Variants in GPR174 observed in about 807,000 individuals in gnomAD.
The protein encoded by GPR174 is probable G protein-coupled receptor 174.
Under a neutral mutation model 16.5 loss-of-function variants are expected in GPR174, and 8 were observed. The observed-to-expected ratio is 0.48, with a 90% CI of 0.28 to 0.87. The LOEUF (loss-of-function observed/expected upper bound fraction) is 0.87, where lower values mean the gene tolerates loss of function less well. Among genes scored for constraint, GPR174 ranks in the 40% least tolerant of loss-of-function variants. GPR174 has a pLI of 0.09. For synonymous variants in GPR174, 111 were observed against 94.8 expected (o/e 1.17, Z -0.99); for missense variants, 214 against 247.5 (o/e 0.86, Z 0.91).
intron 2 of GPR174, among the ~76,000 whole-genome samples, chrX:79,165,227 C>T (rs1007719691): frequency 7.9e-5 from 8 of 101,706 alleles, no homozygotes; most frequent in African/African-American, 2.9e-4. Context: ...AGATTTTGGA[C>T]AATGTATTGT....
At position 79,144,935 on chromosome X, in the gene GPR174, C is replaced by T. The variant is rs1429192202; in HGVS notation, c.-936C>T. 3 of 103,248 alleles carry T rather than the reference C, an allele frequency of 2.9e-5. No individual in the cohort carries two copies. The highest frequency in any genetic ancestry group is 5.9e-5 in the Non-Finnish European group (3 of 50,789). 8.5% of individuals were successfully genotyped at this position (103,248 alleles called of 1,213,427 possible). The stretch of plus-strand genomic sequence containing the variant: ...TTCCTTCCCTCCTTCCTCTCCTTTC[C>T]TTTTCTTTCTTTCTTTTTCTTTCTT... On this transcript the variant is annotated 5_prime_UTR_variant, in exon 1 of 3. Coordinates refer to ENST00000645147, the MANE Select transcript of GPR174 (RefSeq NM_032553.3).
intron 2 of GPR174, among the ~76,000 whole-genome samples, chrX:79,161,160 C>T (rs1056352433): frequency 2.7e-5 from 3 of 111,868 alleles, no homozygotes; most frequent in African/African-American, 9.7e-5. Context: ...AATTGGCTTT[C>T]CAAACTGTCA....
chrX:79,171,818 C>A lies in GPR174; in HGVS notation c.811C>A (p.Leu271Ile), dbSNP rs1159182480. ...AAGCTGCCTAGCCAGAAGGGTGATT[C>A]TAATATTTCATTCTGTGGCATTGTG... Reference protein sequence around the residue: ...IKSCLARRVILIFHSVALCLA... With the variant: ...IKSCLARRVIIIFHSVALCLA... The change falls in exon 3 of 3, where the codon CTA (leucine) becomes ATA (isoleucine). Residue 271 changes from leucine (L) to isoleucine (I), a missense_variant. Leu to Ile is a conservative substitution (Grantham distance 5). Transcript: ENST00000645147. 8.3e-7 allele frequency: 1 copy of A among 1,208,315 alleles called. No homozygotes were observed. Among genetic ancestry groups the A allele is most frequent in the Non-Finnish European group, 1.1e-6 (1 of 894,447 alleles).
intron 2 of GPR174, among the ~76,000 whole-genome samples, chrX:79,159,845 T>C (rs1262307033): frequency 8.9e-6 from 1 of 111,923 alleles, no homozygotes; most frequent in Admixed American, 9.5e-5. Context: ...CCTCTAAAAG[T>C]TATCTGGTTT....
chrX:79,165,447 G>A (rs908036084), intron 2 of GPR174, among the ~76,000 whole-genome samples: 3 of 111,260 alleles, frequency 2.7e-5, no homozygotes, highest in Non-Finnish European at 5.7e-5. Context: ...GGGAAAGCTT[G>A]CCAAGTTTAA....
At chrX:79,152,148 C>A (rs1002560489) in intron 1 of GPR174, among the ~76,000 whole-genome samples, 1 of 111,499 alleles carries the variant, frequency 9.0e-6, no homozygotes, top group Non-Finnish European at 1.9e-5. Flanking sequence ...CACAGAGGCT[C>A]TCCTAAACAG....
intron 2 of GPR174, among the ~76,000 whole-genome samples, chrX:79,163,406 G>A (rs1921281521): frequency 9.0e-6 from 1 of 111,693 alleles, no homozygotes; most frequent in Non-Finnish European, 1.9e-5. Flanking sequence ...ATTAATTTTA[G>A]GTAGGAGACA....
At chrX:79,169,276 A>G (rs1921452521) in intron 2 of GPR174, among the ~76,000 whole-genome samples, 1 of 111,880 alleles carries the variant, frequency 8.9e-6, no homozygotes, top group African/African-American at 3.3e-5. Flanking sequence ...AGTCTGTTTC[A>G]GTCCCAGTTA....
chrX:79,170,225 G>A lies in GPR174; in HGVS notation c.-556-227G>A, dbSNP rs1236330438. ...TTGAATTTGTAACAAGCTCCCAAGCGTCATTCGTTCATGAATTTTGAGTAA... is the reference window on the plus strand; with the variant it reads ...TTGAATTTGTAACAAGCTCCCAAGCATCATTCGTTCATGAATTTTGAGTAA... On this transcript the variant is annotated intron_variant, in intron 2 of 2. Transcript: ENST00000645147. Among the ~76,000 whole-genome samples, 9 of 111,450 alleles carry A rather than the reference G, an allele frequency of 8.1e-5. 1 individual carries two copies. The highest frequency in any genetic ancestry group is 1.5e-4 in the Non-Finnish European group (8 of 53,040).
chrX:79,170,933 T>A lies in GPR174; in HGVS notation c.-75T>A. ...TCCAACCCACTGGCAATCAATCTTTTGGAAGGAACAGCAGTTGATTGTGAA... is the reference window on the plus strand; with the variant it reads ...TCCAACCCACTGGCAATCAATCTTTAGGAAGGAACAGCAGTTGATTGTGAA... On this transcript the variant is annotated 5_prime_UTR_variant, in exon 3 of 3. Coordinates refer to ENST00000645147, the MANE Select transcript of GPR174 (RefSeq NM_032553.3). 1 of 925,792 alleles carries A rather than the reference T, an allele frequency of 1.1e-6. No homozygotes were observed. Among genetic ancestry groups the A allele is most frequent in the South Asian group, 2.5e-5 (1 of 40,741 alleles). 76.3% of individuals were successfully genotyped at this position (925,792 alleles called of 1,213,427 possible).
intron 1 of GPR174, among the ~76,000 whole-genome samples, chrX:79,156,104 G>A (rs944925316): frequency 2.7e-5 from 3 of 112,031 alleles, no homozygotes; most frequent in Non-Finnish European, 3.8e-5. Flanking sequence ...CCTTCTTGTA[G>A]TATTTTCACT....
At chrX:79,148,785 G>C (rs1926549339) in intron 1 of GPR174, among the ~76,000 whole-genome samples, 1 of 111,733 alleles carries the variant, frequency 8.9e-6, no homozygotes, top group South Asian at 3.7e-4. Flanking sequence ...TGGGATTACT[G>C]GTGTGAGCCC....
intron 1 of GPR174, among the ~76,000 whole-genome samples, chrX:79,150,044 G>A (rs1926571825): frequency 9.0e-6 from 1 of 110,636 alleles, no homozygotes; most frequent in South Asian, 3.8e-4. Flanking sequence ...CTTTCCCAGG[G>A]GAACATTTAC....
At chrX:79,156,308 G>T (rs1921096966) in intron 1 of GPR174, among the ~76,000 whole-genome samples, 1 of 112,073 alleles carries the variant, frequency 8.9e-6, no homozygotes, top group Admixed American at 9.4e-5. Context: ...TACATGTAAG[G>T]CAGCTTTGTG....
rs930372871 is a variant in GPR174 at position 79,144,886 on chromosome X, A to ATTCCTTCC, written c.-973_-966dup. 1 of 96,568 alleles carries ATTCCTTCC rather than the reference A, an allele frequency of 1.0e-5. No individual in the cohort carries two copies. Among genetic ancestry groups the ATTCCTTCC allele is most frequent in the Non-Finnish European group, 2.1e-5 (1 of 46,973 alleles). The allele number at this position is 96,568 out of a possible 1,213,427, so 8.0% of individuals were successfully genotyped here. A position where few individuals can be genotyped will look rare whatever the true frequency, so the allele number is the denominator to read the frequency against. On this transcript the variant is annotated 5_prime_UTR_variant, in exon 1 of 3. Coordinates refer to ENST00000645147, the MANE Select transcript of GPR174 (RefSeq NM_032553.3). ...CCCTCCCTCCTTCTCTCCTGTATTC[A>ATTCCTTCC]TTCCTTCCTTCCTTCCTTCTTCCTT... is the stretch of plus-strand genomic sequence containing the variant.
intron 1 of GPR174, among the ~76,000 whole-genome samples, chrX:79,147,987 T>C (rs7061056): frequency 1.1e-3 from 126 of 112,112 alleles, no homozygotes; most frequent in African/African-American, 4.0e-3. Context: ...CAGCCAGAGA[T>C]CAAGATGCAG....
At chrX:79,148,353 C>T (rs1365562382) in intron 1 of GPR174, among the ~76,000 whole-genome samples, 1 of 111,946 alleles carries the variant, frequency 8.9e-6, no homozygotes, top group Non-Finnish European at 1.9e-5. Flanking sequence ...TACAAAATGT[C>T]ACACTACTTA....
chrX:79,168,419 A>G (rs1485946105), intron 2 of GPR174, among the ~76,000 whole-genome samples: 1 of 111,646 alleles, frequency 9.0e-6, no homozygotes, highest in African/African-American at 3.3e-5. Flanking sequence ...CACCATTAGA[A>G]ATTAGGCAAT....
Position 79,171,422 on chromosome X carries a change from A to G in GPR174, c.415A>G (p.Ile139Val). 1 of 1,211,441 alleles carries G rather than the reference A, an allele frequency of 8.3e-7. No homozygotes were observed. The highest frequency in any genetic ancestry group is 3.0e-5 in the East Asian group (1 of 33,819). The change falls in exon 3 of 3, where the codon ATT becomes GTT. Residue 139 changes from isoleucine (I) to valine (V), a missense_variant. By Grantham distance (29) the Ile-to-Val change is conservative. Transcript: ENST00000645147. ...ACAGAAATATGACCTGTACATCAGC[A>G]TTGCTGGCTGGCTGATCATCTGCCT... ...CKQKYDLYIS[I>V]AGWLIICLAC...
Sources: gnomAD v4.1 joint callset for allele counts (sites outside exome capture counted in the v4.1 genomes callset) on GRCh38, gnomAD v4.1.1 for gene constraint, MANE v1.5 for transcripts, NCBI Gene and HGNC (gene_info 2026-07-23, HGNC 2026-07-21) for gene names.